Variants in BRAT1 observed in about 807,000 individuals in gnomAD.
BRAT1 encodes the protein BRCA1 associated ATM activator 1.
Under a neutral mutation model 70.6 loss-of-function variants are expected in BRAT1, and 74 were observed. That is an observed-to-expected ratio of 1.05 (90% CI 0.87 to 1.27). BRAT1 has a LOEUF of 1.27. Ranked by LOEUF, BRAT1 falls within the 50% of genes most tolerant of loss-of-function variation. The pLI is 0.00. For missense variants in BRAT1, 1,203 were observed against 1,098.2 expected, an observed-to-expected ratio of 1.10 and a Z score of -1.35; for synonymous variants, 615 against 517.1, an observed-to-expected ratio of 1.19 and a Z score of -2.57.
rs774567258 is a variant in BRAT1 at position 2,539,767 on chromosome 7, C to T, written c.1498+19G>A. The T allele has an allele frequency of 2.4e-5, 38 of 1,602,428 alleles. No individual in the cohort carries two copies. The highest frequency in any genetic ancestry group is 3.1e-5 in the Non-Finnish European group (36 of 1,174,446). ...CCTGCGACTCCAGCTCCGTTCACCC[C>T]TGCAAGGGGCTGCGTTACCTCTGAG... On this transcript the variant is annotated intron_variant, in intron 11 of 13. Coordinates refer to ENST00000340611, the MANE Select transcript of BRAT1 (RefSeq NM_152743.4).
At chr7:2,540,813 C>T in intron 10 of BRAT1, 166 bp downstream of exon 10, 1 of 687,682 alleles carries the variant, frequency 1.5e-6, no homozygotes, top group Non-Finnish European at 2.2e-6. Context: ...GGCCCTGGGC[C>T]CGCCCCATGC....
In BRAT1 at chr7:2,541,428, G is replaced by A. The variant is rs1779154101; in HGVS notation, c.1191C>T (p.Val397=). 6.3e-7 allele frequency: 1 copy of A among 1,584,786 alleles called. No individual in the cohort carries two copies. The highest frequency in any genetic ancestry group is 8.6e-7 in the Non-Finnish European group (1 of 1,166,612). ...CAGCCGAGCCGTCACAGAGCCGCAG[G>A]ACAGTCACTGTAGCCCCCAGTAGAG... is the stretch of plus-strand genomic sequence containing the variant. ...QASLLGATVT[V]LRLCDGSAAP... is the part of the protein sequence containing the mutation. Residue 397 remains valine (V), a synonymous_variant, in exon 9 of 14, where the codon GTC becomes GTT. Transcript: ENST00000340611.
chr7:2,554,243 C>G, intron 2 of BRAT1, 62 bp downstream of exon 2: 1 of 1,589,574 alleles, frequency 6.3e-7, no homozygotes, highest in Non-Finnish European at 8.6e-7. Context: ...GCCCCTGCTC[C>G]CTGTCCCAGC....
At chr7:2,549,752 G>A (rs1779864482) in intron 2 of BRAT1, among the ~76,000 whole-genome samples, 1 of 152,164 alleles carries the variant, frequency 6.6e-6, no homozygotes. Context: ...TGCAACGACA[G>A]GAAAGGCTGG....
At chr7:2,551,718 A>C (rs763928994) in intron 2 of BRAT1, among the ~76,000 whole-genome samples, 1 of 151,764 alleles carries the variant, frequency 6.6e-6, no homozygotes, top group Non-Finnish European at 1.5e-5. Flanking sequence ...TGACTACTAC[A>C]AACTAGGCCA....
rs920393934 is a variant in BRAT1, at chr7:2,554,457, C to T, written c.-16-10G>A. 1.9e-6 allele frequency: 3 copies of T among 1,607,298 alleles called. No individual in the cohort carries two copies. In the African/African-American group the frequency reaches 4.0e-5, roughly 21 times the overall value. ...GGTGAGGCCGCAGGCCCTGCAAAGG[C>T]AATGTGAGAGCCAAACCTCAATGCC... On this transcript the variant is annotated splice_polypyrimidine_tract_variant and intron_variant, in intron 1 of 13. Transcript: ENST00000340611.
chr7:2,538,831 T>C (rs2128385164), intron 13 of BRAT1, 67 bp from the exon 14 acceptor site: 2 of 1,575,926 alleles, frequency 1.3e-6, no homozygotes, highest in South Asian at 2.3e-5. Context: ...GCAACAGGAC[T>C]CCGGTACATG....
chr7:2,555,178 C>T (rs1308826864), intron 1 of BRAT1, among the ~76,000 whole-genome samples: 1 of 151,842 alleles, frequency 6.6e-6, no homozygotes, highest in African/African-American at 2.4e-5. Context: ...TGCGTCCAGC[C>T]TCGGGGGTGG....
At chr7:2,549,689 GATTAA>G (rs1402105621) in intron 2 of BRAT1, among the ~76,000 whole-genome samples, 21 of 152,230 alleles carry the variant, frequency 1.4e-4, no homozygotes, top group South Asian at 8.3e-4. Flanking sequence ...GAGTTGCTGA[GATTAA>G]ATTAAACACT....
In BRAT1 at chr7:2,539,092, A is replaced by G. The variant is rs1303403855; in HGVS notation, c.1770+87T>C. The G allele has an allele frequency of 5.3e-6, 8 of 1,508,658 alleles. No homozygotes were observed. The East Asian group carries it at 1.8e-4, about 34-fold the overall frequency. The allele number at this position is 1,508,658 out of a possible 1,614,324, so 93.5% of individuals were successfully genotyped here. Reference sequence around the variant, plus strand: ...ACAGCAGCAGCTGCTCCCACGCTGCATGCTGGCCGCTCGACCACCCGCAAG... The same window carrying G: ...ACAGCAGCAGCTGCTCCCACGCTGCGTGCTGGCCGCTCGACCACCCGCAAG... On this transcript the variant is annotated intron_variant, in intron 13 of 13. Coordinates refer to ENST00000340611, the MANE Select transcript of BRAT1 (RefSeq NM_152743.4).
intron 2 of BRAT1, among the ~76,000 whole-genome samples, chr7:2,547,998 C>T (rs1232210037): frequency 2.7e-5 from 4 of 150,662 alleles, no homozygotes. Flanking sequence ...GCAGGAGAAT[C>T]GCTTGAACCT....
chr7:2,552,626 GAAGTA>G (rs896211014), intron 2 of BRAT1, among the ~76,000 whole-genome samples: 4 of 151,646 alleles, frequency 2.6e-5, no homozygotes, highest in Non-Finnish European at 4.4e-5. Context: ...CCAAAAAAAG[GAAGTA>G]AAGAATAGCA....
Position 2,538,235 on chromosome 7 carries a change from T to C in BRAT1, c.2300A>G (p.Gln767Arg). The C allele has an allele frequency of 6.2e-7, 1 of 1,609,720 alleles. No individual in the cohort carries two copies. The highest frequency in any genetic ancestry group is 8.5e-7 in the Non-Finnish European group (1 of 1,178,372). Residue 767 changes from glutamine to arginine, a missense_variant, in exon 14 of 14, where the codon CAG (glutamine) becomes CGG (arginine). Coordinates refer to ENST00000340611, the MANE Select transcript of BRAT1 (RefSeq NM_152743.4). The stretch of plus-strand genomic sequence containing the variant: ...CATGGCCAGCACAGCCTCAGGCTCC[T>C]GGTCCCCTGGGGGCTGGGCCTGCTC... ...AGEQAQPPGD[Q>R]EPEAVLAMLR...
chr7:2,539,006 C>T, intron 13 of BRAT1, 173 bp downstream of exon 13: 1 of 1,434,654 alleles, frequency 7.0e-7, no homozygotes, highest in Non-Finnish European at 9.1e-7. Context: ...AGGCGAAGCG[C>T]ACAGGTCCCA....
rs148161833 is a variant in BRAT1, at chr7:2,554,004, C to T, written c.127+301G>A. On this transcript the variant is annotated intron_variant, in intron 2 of 13. Coordinates refer to ENST00000340611, the MANE Select transcript of BRAT1 (RefSeq NM_152743.4). ...GATGTCTTAAACACACTAAATACAA[C>T]GAGAACAACAATAAAACAAGTTTGT... is the stretch of plus-strand genomic sequence containing the variant. Among the ~76,000 whole-genome samples, 74 of 152,230 alleles carry T rather than the reference C, an allele frequency of 4.9e-4. 1 individual carries two copies. The highest frequency in any genetic ancestry group is 1.6e-3 in the African/African-American group (67 of 41,554).
chr7:2,543,715 C>G lies in BRAT1; in HGVS notation c.678G>C (p.Gly226=). The G allele has an allele frequency of 6.3e-7, 1 of 1,584,020 alleles. No individual in the cohort carries two copies. The highest frequency in any genetic ancestry group is 8.6e-7 in the Non-Finnish European group (1 of 1,159,446). Residue 226 remains glycine, a synonymous_variant, in exon 5 of 14, where the codon GGG becomes GGC. Coordinates refer to ENST00000340611, the MANE Select transcript of BRAT1 (RefSeq NM_152743.4). This position sits in a 1 kb window ranked among gnomAD's most constrained non-coding sequence, Gnocchi z 5.5. ...QALNVLTTTF[G]RCQSPWTEAL... ...CTTCCGTCCAGGGGCTCTGGCAGCGCCCGAAGGTCGTGGTCAGGACGTTCA... is the reference window on the plus strand; with the variant it reads ...CTTCCGTCCAGGGGCTCTGGCAGCGGCCGAAGGTCGTGGTCAGGACGTTCA...
rs1281766598 is a variant in BRAT1 at position 2,542,102 on chromosome 7, C to T, written c.1015+18G>A. 2.0e-6 allele frequency: 3 copies of T among 1,505,292 alleles called. No homozygotes were observed. Among genetic ancestry groups the T allele is most frequent in the Non-Finnish European group, 2.7e-6 (3 of 1,125,708 alleles). 93.2% of individuals were successfully genotyped at this position (1,505,292 alleles called of 1,614,324 possible). On this transcript the variant is annotated intron_variant, in intron 7 of 13. Coordinates refer to ENST00000340611, the MANE Select transcript of BRAT1 (RefSeq NM_152743.4). ...GGGACCCAGGTTCTGCCCTCCCAGC[C>T]CTTTCTAAGCAGCACACCTGGGGGT...
intron 2 of BRAT1, among the ~76,000 whole-genome samples, chr7:2,551,285 A>ATATATATATC (rs1163242036): frequency 4.7e-5 from 7 of 150,288 alleles, no homozygotes; most frequent in African/African-American, 1.7e-4. Flanking sequence ...ATATATAGAT[A>ATATATATATC]TATATATATC....
At position 2,538,695 on chromosome 7, in the gene BRAT1, G is replaced by T. The variant is rs1052110060; in HGVS notation, c.1840C>A (p.Gln614Lys). 2 of 1,598,304 alleles carry T rather than the reference G, an allele frequency of 1.3e-6. No individual in the cohort carries two copies. The highest frequency in any genetic ancestry group is 2.7e-5 in the African/African-American group (2 of 74,938). Residue 614 changes from glutamine to lysine, a missense_variant, in exon 14 of 14, where the codon CAA (glutamine) becomes AAA (lysine). Coordinates refer to ENST00000340611, the MANE Select transcript of BRAT1 (RefSeq NM_152743.4). ...SEGFPRRAVM[Q>K]VFTEWLRDGH... ...TCCCGCAGCCACTCAGTGAAGACTT[G>T]CATGACCGCCCGCCGTGGGAAGCCC...
Sources: gnomAD v4.1 joint callset for allele counts (sites outside exome capture counted in the v4.1 genomes callset) on GRCh38, gnomAD v4.1.1 for gene constraint, Gnocchi (gnomAD v3.1) non-coding constraint, MANE v1.5 for transcripts, NCBI Gene and HGNC (gene_info 2026-07-23, HGNC 2026-07-21) for gene names.